CCSER1: variants seen among roughly 807,000 people sequenced by gnomAD.
The protein encoded by CCSER1 is serine-rich coiled-coil domain-containing protein 1.
Under a neutral mutation model 82.0 loss-of-function variants are expected in CCSER1, and 41 were observed. That is an observed-to-expected ratio of 0.50 (90% CI 0.39 to 0.65). The LOEUF is 0.65. CCSER1 is among the 30% of genes least tolerant of loss of function. CCSER1 has a pLI of 0.00. For synonymous variants in CCSER1, 414 were observed against 383.9 expected (o/e 1.08, Z -0.92); for missense variants, 1,119 against 1,064.2 (o/e 1.05, Z -0.72).
chr4:91,243,553 G>A (rs1403110864), intron 10 of CCSER1, among the ~76,000 whole-genome samples: 3 of 152,174 alleles, frequency 2.0e-5, no homozygotes, highest in Non-Finnish European at 4.4e-5. Flanking sequence ...AGAGGACTTT[G>A]TCTTATGTGT....
intron 10 of CCSER1, among the ~76,000 whole-genome samples, chr4:91,218,341 C>G (rs1055769589): frequency 2.0e-4 from 31 of 152,198 alleles, no homozygotes; most frequent in Admixed American, 1.1e-3. Flanking sequence ...GGTTCCTGCT[C>G]GTGCCTCTCC....
intron 10 of CCSER1, among the ~76,000 whole-genome samples, chr4:91,379,967 A>G (rs1750746657): frequency 1.3e-5 from 2 of 152,190 alleles, no homozygotes; most frequent in African/African-American, 4.8e-5. Context: ...TGTTGGTTTC[A>G]AAGAACATCT....
chr4:91,495,710 G>A (rs1036664763), intron 10 of CCSER1, among the ~76,000 whole-genome samples: 12 of 151,384 alleles, frequency 7.9e-5, no homozygotes, highest in African/African-American at 2.4e-4. Context: ...GTCTGATTTT[G>A]TGTCAGGATG....
chr4:91,323,736 G>A (rs1245346304), intron 10 of CCSER1, among the ~76,000 whole-genome samples: 1 of 152,092 alleles, frequency 6.6e-6, no homozygotes, highest in Non-Finnish European at 1.5e-5. Context: ...TTTAACATAA[G>A]CTTTCTGAAC....
chr4:91,472,895 T>A (rs1757361492), intron 10 of CCSER1, among the ~76,000 whole-genome samples: 1 of 152,222 alleles, frequency 6.6e-6, no homozygotes, highest in South Asian at 2.1e-4. Context: ...TAACAGTTTA[T>A]ATCACATAAT....
chr4:91,351,522 AC>A (rs1455516836), intron 10 of CCSER1, among the ~76,000 whole-genome samples: 2 of 152,094 alleles, frequency 1.3e-5, no homozygotes, highest in Non-Finnish European at 2.9e-5. Flanking sequence ...ATTCTGGTAT[AC>A]AAAAATACTT....
chr4:91,215,427 A>T (rs1444198767), intron 10 of CCSER1, among the ~76,000 whole-genome samples: 2 of 152,194 alleles, frequency 1.3e-5, no homozygotes, highest in African/African-American at 4.8e-5. Context: ...GCATTGACTC[A>T]CATGATCACA....
chr4:91,442,366 T>C (rs1755231648), intron 10 of CCSER1, among the ~76,000 whole-genome samples: 1 of 151,840 alleles, frequency 6.6e-6, no homozygotes, highest in Non-Finnish European at 1.5e-5. Context: ...AAACAAGCAA[T>C]GGGGAAAGGA....
intron 5 of CCSER1, among the ~76,000 whole-genome samples, chr4:90,561,788 C>T (rs1277730071): frequency 5.3e-5 from 8 of 152,116 alleles, no homozygotes; most frequent in African/African-American, 1.4e-4. Context: ...ATAGTATTTT[C>T]CTATTTATCC....
At chr4:90,722,922 TC>T (rs1185460209) in intron 6 of CCSER1, among the ~76,000 whole-genome samples, 1 of 151,974 alleles carries the variant, frequency 6.6e-6, no homozygotes, top group Non-Finnish European at 1.5e-5. Flanking sequence ...TTGAATGCGT[TC>T]TTTTGTTGAA....
chr4:90,182,489 T>C (rs10014272), intron 1 of CCSER1, among the ~76,000 whole-genome samples: 102,958 of 151,950 alleles, frequency 0.68, 35,871 homozygotes, highest in East Asian at 0.86. Context: ...CTTTATTCAG[T>C]GGTGAAGGAA....
intron 10 of CCSER1, among the ~76,000 whole-genome samples, chr4:91,088,161 G>T (rs1318376029): frequency 6.6e-6 from 1 of 152,022 alleles, no homozygotes; most frequent in Non-Finnish European, 1.5e-5. Flanking sequence ...TACTCCAAAT[G>T]ATTTCTTAGA....
chr4:91,186,646 C>T (rs777586748), intron 10 of CCSER1, among the ~76,000 whole-genome samples: 6 of 152,160 alleles, frequency 3.9e-5, no homozygotes, highest in Non-Finnish European at 5.9e-5. Flanking sequence ...GAGCCCCAAA[C>T]AGAGATTTAC....
chr4:90,877,694 G>C (rs973935839), intron 8 of CCSER1, among the ~76,000 whole-genome samples: 1 of 149,600 alleles, frequency 6.7e-6, no homozygotes, highest in African/African-American at 2.5e-5. Flanking sequence ...TTAAGGAATG[G>C]AGAATAGAAG....
intron 10 of CCSER1, among the ~76,000 whole-genome samples, chr4:91,518,164 T>C (rs2110132954): frequency 6.6e-6 from 1 of 152,252 alleles, no homozygotes; most frequent in South Asian, 2.1e-4. Context: ...TTATGTTTCC[T>C]CCCCAGCTTG....
At chr4:91,436,227 T>C (rs1210312187) in intron 10 of CCSER1, among the ~76,000 whole-genome samples, 2 of 152,224 alleles carry the variant, frequency 1.3e-5, no homozygotes, top group African/African-American at 4.8e-5. Flanking sequence ...TCTAGGCACA[T>C]TGGATTTATT....
At chr4:90,159,359 A>G (rs1389537521) in intron 1 of CCSER1, among the ~76,000 whole-genome samples, 1 of 152,146 alleles carries the variant, frequency 6.6e-6, no homozygotes, top group Non-Finnish European at 1.5e-5. Flanking sequence ...GCCAGGTTTT[A>G]TAAAAAAATA....
At chr4:91,111,489 C>T (rs1016945451) in intron 10 of CCSER1, among the ~76,000 whole-genome samples, 1 of 151,706 alleles carries the variant, frequency 6.6e-6, no homozygotes, top group Admixed American at 6.6e-5. Flanking sequence ...TGTGCATTGG[C>T]ATATAGAAAA....
At chr4:90,238,633 A>G (rs7693009) in intron 1 of CCSER1, among the ~76,000 whole-genome samples, 19,460 of 151,964 alleles carry the variant, frequency 0.13, 1,465 homozygotes, top group East Asian at 0.3. Context: ...GTGGGTACCT[A>G]TCACTTCCTT....
Sources: allele counts gnomAD v4.1 joint callset (sites outside exome capture counted in the v4.1 genomes callset), GRCh38; gene constraint gnomAD v4.1.1; transcripts MANE v1.5; gene names NCBI Gene and HGNC (gene_info 2026-07-23, HGNC 2026-07-21).